The following FGGY variants were observed in gnomAD, a reference collection of about 807,000 sequenced individuals.
The protein encoded by FGGY is FGGY carbohydrate kinase domain-containing protein.
A neutral mutation model predicts 71.3 loss-of-function variants in FGGY; 72 were observed. The observed-to-expected ratio is 1.01, with a 90% CI of 0.84 to 1.23. The LOEUF (loss-of-function observed/expected upper bound fraction) is 1.23, where lower values mean the gene tolerates loss of function less well. FGGY is among the 50% of genes most tolerant of loss of function. The pLI is 0.00. For missense variants in FGGY, 668 were observed against 682.3 expected (o/e 0.98, Z 0.23); for synonymous variants, 251 against 250.3 (o/e 1.00, Z -0.02).
intron 8 of FGGY, among the ~76,000 whole-genome samples, chr1:59,568,983 A>C (rs1306356776): frequency 6.6e-6 from 1 of 152,200 alleles, no homozygotes; most frequent in African/African-American, 2.4e-5. Context: ...CAAAAGAAAA[A>C]AATACTCAGA....
At chr1:59,378,572 T>C (rs2058959297) in intron 4 of FGGY, among the ~76,000 whole-genome samples, 177 bp from the exon 5 acceptor site, 1 of 152,176 alleles carries the variant, frequency 6.6e-6, no homozygotes, top group Non-Finnish European at 1.5e-5. Context: ...ATTGTCAGTT[T>C]TTCTTTCCTG....
At position 59,618,943 on chromosome 1, in the gene FGGY, C is replaced by T. The variant is rs1029154854; in HGVS notation, c.1012-7045C>T. On this transcript the variant is annotated intron_variant, in intron 9 of 15. Coordinates refer to ENST00000303721, the MANE Select transcript of FGGY (RefSeq NM_018291.5). ...GATACAAGGACTAACTCTGCAAAAACAAATGCCTCCCTGTTCCCTTCTCCC... is the reference window on the plus strand; with the variant it reads ...GATACAAGGACTAACTCTGCAAAAATAAATGCCTCCCTGTTCCCTTCTCCC... 3.9e-5 allele frequency among the ~76,000 whole-genome samples: 6 copies of T among 152,158 alleles called. No individual in the cohort carries two copies. In the South Asian group the frequency reaches 6.2e-4, roughly 16 times the overall value.
At chr1:59,499,798 G>T (rs2094167535) in intron 6 of FGGY, among the ~76,000 whole-genome samples, 1 of 152,144 alleles carries the variant, frequency 6.6e-6, no homozygotes, top group Non-Finnish European at 1.5e-5. Flanking sequence ...CATTACCTGT[G>T]ACCTGACTCT....
At chr1:59,634,913 T>C (rs769042798) in intron 10 of FGGY, among the ~76,000 whole-genome samples, 1 of 152,202 alleles carries the variant, frequency 6.6e-6, no homozygotes, top group Non-Finnish European at 1.5e-5. Flanking sequence ...TTTATGATTA[T>C]TGAAACTATA....
intron 14 of FGGY, among the ~76,000 whole-genome samples, chr1:59,741,279 G>T (rs974873007): frequency 1.3e-5 from 2 of 152,056 alleles, no homozygotes; most frequent in Non-Finnish European, 2.9e-5. Context: ...TTGGATTTTG[G>T]GGGTGGAGCT....
At chr1:59,451,759 A>G (rs1310204352) in intron 5 of FGGY, among the ~76,000 whole-genome samples, 1 of 152,146 alleles carries the variant, frequency 6.6e-6, no homozygotes, top group Non-Finnish European at 1.5e-5. Context: ...TCTTACAGCT[A>G]AATAATATTT....
At chr1:59,438,085 T>G (rs2068884053) in intron 5 of FGGY, among the ~76,000 whole-genome samples, 1 of 152,186 alleles carries the variant, frequency 6.6e-6, no homozygotes, top group African/African-American at 2.4e-5. Flanking sequence ...TGAGGGCCAG[T>G]ATATGGGTCA....
intron 5 of FGGY, among the ~76,000 whole-genome samples, chr1:59,452,145 A>T (rs1438895050): frequency 6.9e-6 from 1 of 144,096 alleles, no homozygotes; most frequent in Non-Finnish European, 1.5e-5. Flanking sequence ...AATTTCTGTT[A>T]TTCTCATGTT....
chr1:59,538,171 A>G (rs2095367552), intron 7 of FGGY, among the ~76,000 whole-genome samples: 1 of 152,224 alleles, frequency 6.6e-6, no homozygotes, highest in Non-Finnish European at 1.5e-5. Flanking sequence ...ACCCCATGAA[A>G]AAGTGGGCGA....
rs114655846 is a variant in FGGY, at chr1:59,642,757, C to T, written c.1221+4382C>T. ...AGAAAAACCATTACATACGGCTGGA[C>T]GCGGTGGCTCACACCTGTAATCCCA... On this transcript the variant is annotated intron_variant, in intron 11 of 15. Coordinates refer to ENST00000303721, the MANE Select transcript of FGGY (RefSeq NM_018291.5). Among the ~76,000 whole-genome samples the T allele has an allele frequency of 9.6e-3, 1,426 of 148,118 alleles. 25 individuals are homozygous for T. The highest frequency in any genetic ancestry group is 0.034 in the African/African-American group (1,370 of 40,182).
intron 8 of FGGY, among the ~76,000 whole-genome samples, chr1:59,561,581 T>C (rs193038638): frequency 3.9e-5 from 6 of 152,328 alleles, no homozygotes; most frequent in African/African-American, 1.4e-4. Flanking sequence ...CATGAGGAGA[T>C]AAGCAGTAAT....
chr1:59,628,803 C>G (rs1170645861), intron 10 of FGGY, among the ~76,000 whole-genome samples: 1 of 152,170 alleles, frequency 6.6e-6, no homozygotes, highest in Non-Finnish European at 1.5e-5. Flanking sequence ...CTAATAGACT[C>G]TGAAGCCAAA....
chr1:59,715,674 A>G (rs1481106671), intron 14 of FGGY, among the ~76,000 whole-genome samples: 2 of 152,242 alleles, frequency 1.3e-5, no homozygotes, highest in South Asian at 4.1e-4. Context: ...GTAAAGGGAC[A>G]TACTAACACC....
intron 2 of FGGY, among the ~76,000 whole-genome samples, chr1:59,339,540 C>T (rs1017544954): frequency 1.7e-4 from 26 of 152,062 alleles, no homozygotes. Context: ...TCTCGGCTCA[C>T]TGTAACCTCC....
intron 8 of FGGY, 79 bp from the exon 9 acceptor site, chr1:59,607,712 GAATTCCATGGTC>G (rs2096636514): frequency 2.1e-6 from 2 of 972,570 alleles, no homozygotes; most frequent in African/African-American, 3.3e-5. Context: ...ATAAGAAGCT[GAATTCCATGGTC>G]ATAGAAATAT....
chr1:59,733,171 C>T (rs1462266693), intron 14 of FGGY: 1 of 154,334 alleles, frequency 6.5e-6, no homozygotes, highest in Non-Finnish European at 1.5e-5. Context: ...TGTGCACCCC[C>T]AAATAAAAGT....
At chr1:59,471,257 T>TC (rs1250997943) in intron 6 of FGGY, among the ~76,000 whole-genome samples, 20 of 152,312 alleles carry the variant, frequency 1.3e-4, no homozygotes, top group Middle Eastern at 3.4e-3. Context: ...GTTCTTGCTC[T>TC]CTCCTGCCTT....
Position 59,330,589 on chromosome 1 carries a change from A to G in FGGY, c.201+8839A>G, listed in dbSNP as rs114073123. 2.9e-3 allele frequency among the ~76,000 whole-genome samples: 444 copies of G among 151,780 alleles called. 2 individuals are homozygous for G. The highest frequency in any genetic ancestry group is 0.01 in the African/African-American group (433 of 41,450). ...ATCTCAAAAAAAAAAAAAAGAAAAG[A>G]AAAGAAATGGAGACCTCCCTACTTC... On this transcript the variant is annotated intron_variant, in intron 2 of 15. Coordinates refer to ENST00000303721, the MANE Select transcript of FGGY (RefSeq NM_018291.5).
intron 5 of FGGY, among the ~76,000 whole-genome samples, chr1:59,448,886 T>C (rs988876452): frequency 6.6e-6 from 1 of 152,174 alleles, no homozygotes; most frequent in Non-Finnish European, 1.5e-5. Context: ...TCATACACAC[T>C]CATGCCTAAA....
Sources: allele counts gnomAD v4.1 joint callset (sites outside exome capture counted in the v4.1 genomes callset), GRCh38; gene constraint gnomAD v4.1.1; transcripts MANE v1.5; gene names NCBI Gene and HGNC (gene_info 2026-07-23, HGNC 2026-07-21).